Variants in CTNNA2 observed in about 807,000 individuals in gnomAD.
CTNNA2 encodes catenin alpha 2, also known as catenin alpha-2.
In CTNNA2, 42 loss-of-function variants were observed where a neutral mutation model predicts 101.0. That is an observed-to-expected ratio of 0.42 (90% CI 0.32 to 0.54). CTNNA2 has a LOEUF of 0.54. Among genes scored for constraint, CTNNA2 ranks in the 20% least tolerant of loss-of-function variants. The pLI is 0.14. For missense variants in CTNNA2, 871 were observed against 1,223.1 expected, an observed-to-expected ratio of 0.71 and a Z score of 4.29; for synonymous variants, 450 against 456.4, an observed-to-expected ratio of 0.99 and a Z score of 0.18.
chr2:80,507,148 C>A (rs1330467029), intron 9 of CTNNA2, among the ~76,000 whole-genome samples: 1 of 152,130 alleles, frequency 6.6e-6, no homozygotes, highest in Non-Finnish European at 1.5e-5. Context: ...GTTCCCTAGT[C>A]TCCTCATCTG....
In CTNNA2 at chr2:80,419,535, C is replaced by A. The variant is rs148134866; in HGVS notation, c.1224C>A (p.Ser408Arg). 6.2e-7 allele frequency: 1 copy of A among 1,613,664 alleles called. No homozygotes were observed. Among genetic ancestry groups the A allele is most frequent in the Non-Finnish European group, 8.5e-7 (1 of 1,179,810 alleles). The change falls in exon 9 of 19, where the codon AGC (serine) becomes AGA (arginine). Residue 408 changes from serine to arginine, a missense_variant. By Grantham distance (110) the Ser-to-Arg change is moderately radical. Around this residue, in one of 5 missense-constraint regions of CTNNA2, gnomAD observed 647 missense variants for 831.5 expected, o/e 0.78. Coordinates refer to ENST00000402739, the MANE Select transcript of CTNNA2 (RefSeq NM_001282597.3). The stretch of plus-strand genomic sequence containing the variant: ...TAGTTCTCATTGAGGCTGCAAAGAG[C>A]GGAAATGAAAAGGAAGTGAAAGAAT... ...PLLVLIEAAK[S>R]GNEKEVKEYA... is the part of the protein sequence containing the mutation.
At chr2:79,603,187 A>G (rs1350593917) in intron 1 of CTNNA2, among the ~76,000 whole-genome samples, 2 of 152,188 alleles carry the variant, frequency 1.3e-5, no homozygotes, top group Non-Finnish European at 2.9e-5. Context: ...TGATGCTAGA[A>G]CTTTTTACTG....
intron 4 of CTNNA2, among the ~76,000 whole-genome samples, chr2:79,470,947 A>G (rs1670992642): frequency 6.6e-6 from 1 of 152,118 alleles, no homozygotes; most frequent in South Asian, 2.1e-4. Context: ...ACAACCATAT[A>G]TTTTCAGTGC....
intron 6 of CTNNA2, among the ~76,000 whole-genome samples, chr2:79,883,149 A>T (rs1332653577): frequency 6.6e-6 from 1 of 152,194 alleles, no homozygotes; most frequent in African/African-American, 2.4e-5. Flanking sequence ...TGCCCTCCCA[A>T]AATTGAATTT....
intron 3 of CTNNA2, among the ~76,000 whole-genome samples, chr2:79,325,427 T>C (rs1676724317): frequency 6.6e-6 from 1 of 152,190 alleles, no homozygotes; most frequent in African/African-American, 2.4e-5. Flanking sequence ...TTTCATTGTT[T>C]TCTTCAAATA....
intron 7 of CTNNA2, among the ~76,000 whole-genome samples, chr2:80,348,838 G>T (rs577600613): frequency 6.6e-6 from 1 of 152,208 alleles, no homozygotes; most frequent in South Asian, 2.1e-4. Context: ...TGTTAGGTGC[G>T]CTGGGTAGGG....
At chr2:79,338,464 A>G (rs1677046554) in intron 3 of CTNNA2, among the ~76,000 whole-genome samples, 1 of 152,118 alleles carries the variant, frequency 6.6e-6, no homozygotes, top group South Asian at 2.1e-4. Flanking sequence ...GTGAAACAAG[A>G]TGGGAGGGTG....
intron 2 of CTNNA2, among the ~76,000 whole-genome samples, chr2:79,663,584 C>T (rs548330303): frequency 3.3e-5 from 5 of 152,288 alleles, no homozygotes; most frequent in South Asian, 4.1e-4. Context: ...TTACATCTTT[C>T]GGCTACCATG....
intron 3 of CTNNA2, among the ~76,000 whole-genome samples, chr2:79,755,303 C>A (rs1212505580): frequency 6.6e-6 from 1 of 152,122 alleles, no homozygotes. Flanking sequence ...TGCATTTCAG[C>A]CTAAGTGACA....
chr2:79,699,201 A>T (rs1035624819), intron 2 of CTNNA2, among the ~76,000 whole-genome samples: 1 of 152,160 alleles, frequency 6.6e-6, no homozygotes, highest in African/African-American at 2.4e-5. Flanking sequence ...AATGAATAAA[A>T]TTATAAATCA....
At chr2:79,704,513 T>C (rs1276624879) in intron 2 of CTNNA2, among the ~76,000 whole-genome samples, 1 of 147,942 alleles carries the variant, frequency 6.8e-6, no homozygotes, top group Admixed American at 6.7e-5. Context: ...TGTGCTTCTT[T>C]TTTTTTTTTT....
At chr2:80,224,841 T>C (rs777442602) in intron 7 of CTNNA2, among the ~76,000 whole-genome samples, 13 of 151,802 alleles carry the variant, frequency 8.6e-5, no homozygotes, top group Non-Finnish European at 1.6e-4. Flanking sequence ...TTATACAGCT[T>C]TTTTTTTCTT....
intron 4 of CTNNA2, among the ~76,000 whole-genome samples, chr2:79,422,211 A>G (rs1218845686): frequency 6.6e-6 from 1 of 152,104 alleles, no homozygotes; most frequent in Non-Finnish European, 1.5e-5. Context: ...CATGCATTCT[A>G]TATTTCTACC....
chr2:80,067,643 A>T (rs1452193316), intron 7 of CTNNA2, among the ~76,000 whole-genome samples: 4 of 152,244 alleles, frequency 2.6e-5, no homozygotes, highest in African/African-American at 9.6e-5. Context: ...CAAGATATTC[A>T]AAATTTTACA....
chr2:79,935,236 T>C (rs888134538), intron 7 of CTNNA2, among the ~76,000 whole-genome samples: 3 of 152,108 alleles, frequency 2.0e-5, no homozygotes, highest in Non-Finnish European at 2.9e-5. Context: ...CTTTGTTTTA[T>C]AGATGAGGGG....
chr2:80,477,759 G>A (rs1685839662), intron 9 of CTNNA2, among the ~76,000 whole-genome samples: 2 of 149,764 alleles, frequency 1.3e-5, no homozygotes, highest in Non-Finnish European at 3.0e-5. Context: ...GTGTGTGTGT[G>A]TGTATCTCAC....
At chr2:80,633,830 G>A (rs1672555826) in intron 18 of CTNNA2, among the ~76,000 whole-genome samples, 1 of 152,148 alleles carries the variant, frequency 6.6e-6, no homozygotes, top group African/African-American at 2.4e-5. Flanking sequence ...TGGAGGAGAT[G>A]GTTTTTAAAT....
intron 3 of CTNNA2, among the ~76,000 whole-genome samples, chr2:79,833,754 A>G (rs989413365): frequency 2.6e-5 from 4 of 152,194 alleles, no homozygotes; most frequent in Non-Finnish European, 5.9e-5. Flanking sequence ...AACCTCTACC[A>G]TAGAGCAGTC....
In CTNNA2 at chr2:79,572,454, T is replaced by TA. The variant is rs112388685; in HGVS notation, c.-6+59255dup. Among the ~76,000 whole-genome samples the TA allele has an allele frequency of 9.8e-3, 1,495 of 152,100 alleles. 9 individuals are homozygous for TA. Among genetic ancestry groups the TA allele is most frequent in the African/African-American group, 0.034 (1,398 of 41,474 alleles). ...TGCCCTGGGCTTTAGTTTCCTCATTTAAAAAAAATTATAAGCCAGGTGCAG... is the reference window on the plus strand; with the variant it reads ...TGCCCTGGGCTTTAGTTTCCTCATTTAAAAAAAAATTATAAGCCAGGTGCAG... On this transcript the variant is annotated intron_variant, in intron 1 of 18. Coordinates refer to ENST00000402739, the MANE Select transcript of CTNNA2 (RefSeq NM_001282597.3).
Sources: allele counts gnomAD v4.1 joint callset (sites outside exome capture counted in the v4.1 genomes callset), GRCh38; gene constraint gnomAD v4.1.1; regional missense constraint gnomAD v4.1.1; transcripts MANE v1.5; gene names NCBI Gene and HGNC (gene_info 2026-07-23, HGNC 2026-07-21).